Variants in TSHZ2 observed in about 807,000 individuals in gnomAD.
TSHZ2 encodes teashirt homolog 2.
In TSHZ2, 21 loss-of-function variants were observed where a neutral mutation model predicts 74.4. That is an observed-to-expected ratio of 0.28 (90% CI 0.20 to 0.41). The LOEUF is 0.41. Among genes scored for constraint, TSHZ2 ranks in the 10% least tolerant of loss-of-function variants. The pLI, the probability that TSHZ2 is intolerant of heterozygous loss-of-function variation, is 1.00. For synonymous variants in TSHZ2, 540 were observed against 515.3 expected, an observed-to-expected ratio of 1.05 and a Z score of -0.65; for missense variants, 1,244 against 1,293.5, an observed-to-expected ratio of 0.96 and a Z score of 0.59.
chr20:53,118,441 A>C (rs1986726432), intron 1 of TSHZ2, among the ~76,000 whole-genome samples: 1 of 152,086 alleles, frequency 6.6e-6, no homozygotes, highest in South Asian at 2.1e-4. Flanking sequence ...AAAACTTACG[A>C]GAGAGTGAGG....
At chr20:53,069,394 A>G (rs557448823) in intron 1 of TSHZ2, among the ~76,000 whole-genome samples, 1 of 152,020 alleles carries the variant, frequency 6.6e-6, no homozygotes, top group Non-Finnish European at 1.5e-5. Context: ...TTAGAATTCC[A>G]TCTGTCCCGT....
intron 1 of TSHZ2, among the ~76,000 whole-genome samples, chr20:53,001,224 G>GTGTGTATGTGTGTGTGTA (rs1555813602): frequency 4.1e-5 from 6 of 147,846 alleles, no homozygotes; most frequent in African/African-American, 1.5e-4. Context: ...GTGTGTGTGT[G>GTGTGTATGTGTGTGTGTA]TGTGTGTGTG....
chr20:53,458,024 T>C, intron 2 of TSHZ2, among the ~76,000 whole-genome samples: 1 of 152,068 alleles, frequency 6.6e-6, no homozygotes, highest in East Asian at 1.9e-4. Flanking sequence ...AATTCTCTTT[T>C]TTGGTTGAGT....
intron 1 of TSHZ2, among the ~76,000 whole-genome samples, chr20:53,195,146 G>A (rs1158504035): frequency 6.6e-6 from 1 of 152,170 alleles, no homozygotes; most frequent in Non-Finnish European, 1.5e-5. Context: ...GCAGGATTAA[G>A]GCTTTGAGAC....
chr20:53,398,768 AG>A (rs1600607620), intron 2 of TSHZ2: 2 of 152,298 alleles, frequency 1.3e-5, no homozygotes, highest in East Asian at 3.9e-4. Flanking sequence ...CACACAAAAA[AG>A]TTTTATCTGT....
intron 2 of TSHZ2, among the ~76,000 whole-genome samples, chr20:53,468,115 C>G (rs969121048): frequency 6.6e-6 from 1 of 152,154 alleles, no homozygotes; most frequent in Admixed American, 6.5e-5. Flanking sequence ...AAGCATCATA[C>G]TGAGAAGAGA....
intron 2 of TSHZ2, among the ~76,000 whole-genome samples, chr20:53,352,926 G>GTCATC (rs1980709628): frequency 6.6e-6 from 1 of 152,098 alleles, no homozygotes; most frequent in Non-Finnish European, 1.5e-5. Context: ...TCCAGTAAAT[G>GTCATC]TCATCTTCCT....
intron 1 of TSHZ2, among the ~76,000 whole-genome samples, chr20:53,100,321 C>T (rs1986180448): frequency 6.6e-6 from 1 of 152,208 alleles, no homozygotes; most frequent in South Asian, 2.1e-4. Flanking sequence ...GGTCATTGCC[C>T]AGGTCCTAAC....
intron 1 of TSHZ2, among the ~76,000 whole-genome samples, chr20:53,011,404 A>C (rs921103409): frequency 1.3e-5 from 2 of 152,242 alleles, no homozygotes; most frequent in Admixed American, 6.5e-5. Context: ...CAGATAAGTA[A>C]ACCCAAAGTT....
At position 53,256,247 on chromosome 20, in the gene TSHZ2, A is replaced by G; in HGVS notation, c.2789A>G (p.Asp930Gly). 6.2e-7 allele frequency: 1 copy of G among 1,614,022 alleles called. No individual in the cohort carries two copies. Among genetic ancestry groups the G allele is most frequent in the Non-Finnish European group, 8.5e-7 (1 of 1,179,918 alleles). The change falls in exon 2 of 3, where the codon GAC becomes GGC. Residue 930 changes from aspartate (D) to glycine (G), a missense_variant. Around this residue, in one of 6 missense-constraint regions of TSHZ2, gnomAD observed 185 missense variants for 213.3 expected, o/e 0.87. Transcript: ENST00000371497. The surrounding 1 kb of genome is among the most constrained non-coding windows in gnomAD (Gnocchi z 4.3). Reference sequence around the variant, plus strand: ...GGCCACCCCATCTTTTATTGCAGTGACTGTGCCTCCCAGTTCAGAACCCCT... The same window carrying G: ...GGCCACCCCATCTTTTATTGCAGTGGCTGTGCCTCCCAGTTCAGAACCCCT... ...DKGHPIFYCS[D>G]CASQFRTPST...
intron 2 of TSHZ2, among the ~76,000 whole-genome samples, chr20:53,383,375 A>T (rs1341883342): frequency 6.6e-6 from 1 of 152,184 alleles, no homozygotes; most frequent in Non-Finnish European, 1.5e-5. Flanking sequence ...ATATAGCCCT[A>T]ATCTTGAGAT....
intron 2 of TSHZ2, among the ~76,000 whole-genome samples, chr20:53,304,493 G>GAAC (rs1012730879): frequency 6.6e-6 from 1 of 151,760 alleles, no homozygotes; most frequent in Non-Finnish European, 1.5e-5. Context: ...CAAAACAAAC[G>GAAC]AACAACAACA....
At chr20:53,357,407 G>T (rs1040004218) in intron 2 of TSHZ2, among the ~76,000 whole-genome samples, 1 of 152,108 alleles carries the variant, frequency 6.6e-6, no homozygotes, top group African/African-American at 2.4e-5. Context: ...GCTCACGCCT[G>T]TAATTCTAAC....
At chr20:53,383,833 T>C (rs979595270) in intron 2 of TSHZ2, among the ~76,000 whole-genome samples, 1 of 152,152 alleles carries the variant, frequency 6.6e-6, no homozygotes, top group Admixed American at 6.6e-5. Context: ...TCATAAACGC[T>C]CCATCTATTT....
intron 2 of TSHZ2, among the ~76,000 whole-genome samples, chr20:53,334,397 G>A (rs1461856320): frequency 6.6e-6 from 1 of 152,162 alleles, no homozygotes; most frequent in African/African-American, 2.4e-5. Flanking sequence ...AGCATTCTAA[G>A]TGGGGGAACA....
At chr20:53,200,412 A>G (rs770471621) in intron 1 of TSHZ2, among the ~76,000 whole-genome samples, 15 of 152,208 alleles carry the variant, frequency 9.9e-5, no homozygotes, top group African/African-American at 1.4e-4. Flanking sequence ...GAGGGGAGGA[A>G]ACTGAGTCAA....
chr20:53,055,196 T>G (rs1482254070), intron 1 of TSHZ2, among the ~76,000 whole-genome samples: 1 of 152,212 alleles, frequency 6.6e-6, no homozygotes, highest in African/African-American at 2.4e-5. Flanking sequence ...TCCACAGGTT[T>G]TATATTGAAA....
At chr20:53,414,872 A>T (rs1983180907) in intron 2 of TSHZ2, among the ~76,000 whole-genome samples, 1 of 152,194 alleles carries the variant, frequency 6.6e-6, no homozygotes, top group Non-Finnish European at 1.5e-5. Context: ...CCTTCCAGCC[A>T]CGTGACCTAA....
intron 1 of TSHZ2, among the ~76,000 whole-genome samples, chr20:53,080,224 G>A (rs1308754321): frequency 6.6e-6 from 1 of 152,110 alleles, no homozygotes; most frequent in African/African-American, 2.4e-5. Flanking sequence ...CTTCCCTGGT[G>A]CTAATCAAAC....
Sources: gnomAD v4.1 joint callset for allele counts (sites outside exome capture counted in the v4.1 genomes callset) on GRCh38, gnomAD v4.1.1 for gene constraint, gnomAD v4.1.1 regional missense constraint, Gnocchi (gnomAD v3.1) non-coding constraint, MANE v1.5 for transcripts, NCBI Gene and HGNC (gene_info 2026-07-23, HGNC 2026-07-21) for gene names.